Variants in ERBB4 observed in about 807,000 individuals in gnomAD.
ERBB4 encodes the protein receptor tyrosine-protein kinase erbB-4.
A neutral mutation model predicts 158.0 loss-of-function variants in ERBB4; 42 were observed. The ratio of observed to expected loss-of-function variants is 0.27; its 90% CI spans 0.21 to 0.34. The LOEUF (loss-of-function observed/expected upper bound fraction) is 0.34. Ranked by LOEUF, ERBB4 falls within the 10% of genes least tolerant of loss-of-function variation. The probability of loss-of-function intolerance (pLI) is 1.00; values close to 1 mark genes in which losing one functional copy is unlikely to be tolerated. For synonymous variants in ERBB4, 583 were observed against 558.7 expected (o/e 1.04, Z -0.61); for missense variants, 1,333 against 1,624.1 (o/e 0.82, Z 3.08).
chr2:212,357,474 T>C (rs911941823), intron 1 of ERBB4, among the ~76,000 whole-genome samples: 3 of 151,874 alleles, frequency 2.0e-5, no homozygotes, highest in Non-Finnish European at 4.4e-5. Context: ...TAAATTATGG[T>C]AAATAGGCAA....
chr2:211,480,629 A>G (rs887356492), intron 20 of ERBB4, among the ~76,000 whole-genome samples: 3 of 152,140 alleles, frequency 2.0e-5, no homozygotes, highest in Non-Finnish European at 2.9e-5. Flanking sequence ...GTAGTTCTTT[A>G]TAGTGGCATG....
At chr2:212,334,973 T>G (rs1366881934) in intron 1 of ERBB4, among the ~76,000 whole-genome samples, 3 of 151,978 alleles carry the variant, frequency 2.0e-5, no homozygotes. Context: ...GGTTTATATT[T>G]GGATAAATTC....
chr2:211,667,182 G>A (rs2071665398), intron 14 of ERBB4, among the ~76,000 whole-genome samples: 1 of 151,386 alleles, frequency 6.6e-6, no homozygotes, highest in East Asian at 1.9e-4. Context: ...TGTCCTGGGT[G>A]CATGTGGCCA....
chr2:211,994,403 G>T (rs1399712225), intron 2 of ERBB4, among the ~76,000 whole-genome samples: 2 of 152,098 alleles, frequency 1.3e-5, no homozygotes, highest in Non-Finnish European at 2.9e-5. Flanking sequence ...AAAGCATTAG[G>T]ATCACAGGCA....
intron 1 of ERBB4, among the ~76,000 whole-genome samples, chr2:212,155,238 A>T (rs6755132): frequency 1.3e-5 from 2 of 152,024 alleles, no homozygotes; most frequent in African/African-American, 4.8e-5. Context: ...ATTTACCCAC[A>T]CAAAATATTC....
At chr2:211,994,651 G>A (rs12694257) in intron 2 of ERBB4, among the ~76,000 whole-genome samples, 54,816 of 151,818 alleles carry the variant, frequency 0.36, 11,699 homozygotes, top group Non-Finnish European at 0.5. Context: ...CAATATTTCT[G>A]AACAACTATA....
At chr2:212,262,996 G>A (rs1397358883) in intron 1 of ERBB4, among the ~76,000 whole-genome samples, 1 of 152,158 alleles carries the variant, frequency 6.6e-6, no homozygotes, top group East Asian at 1.9e-4. Context: ...ATTTGCAGAT[G>A]TGATTAAGGT....
At chr2:212,152,646 T>C (rs1054722932) in intron 1 of ERBB4, among the ~76,000 whole-genome samples, 18 of 152,180 alleles carry the variant, frequency 1.2e-4, no homozygotes, top group Admixed American at 6.6e-5. Flanking sequence ...ATTTCTATCT[T>C]CAGCCCACAT....
intron 2 of ERBB4, among the ~76,000 whole-genome samples, chr2:212,116,977 T>G (rs1261602333): frequency 6.6e-6 from 1 of 152,144 alleles, no homozygotes; most frequent in Non-Finnish European, 1.5e-5. Context: ...TCAAATGTAA[T>G]ACAAGTTCCA....
At chr2:211,958,118 T>C (rs2081080971) in intron 2 of ERBB4, among the ~76,000 whole-genome samples, 1 of 152,088 alleles carries the variant, frequency 6.6e-6, no homozygotes, top group Admixed American at 6.6e-5. Context: ...CAAGACACAC[T>C]TCAATATCTG....
At chr2:211,723,344 C>A (rs1212918198) in intron 6 of ERBB4, among the ~76,000 whole-genome samples, 2 of 151,958 alleles carry the variant, frequency 1.3e-5, no homozygotes, top group Non-Finnish European at 2.9e-5. Flanking sequence ...ATGTGATTAA[C>A]AAAAATGTGG....
chr2:212,018,577 G>T (rs960233445), intron 2 of ERBB4, among the ~76,000 whole-genome samples: 1 of 152,128 alleles, frequency 6.6e-6, no homozygotes, highest in South Asian at 2.1e-4. Flanking sequence ...CCTTTGAAAA[G>T]CTATTGAAAG....
At chr2:211,682,183 C>G (rs1348719559) in intron 12 of ERBB4, among the ~76,000 whole-genome samples, 1 of 151,950 alleles carries the variant, frequency 6.6e-6, no homozygotes, top group East Asian at 1.9e-4. Flanking sequence ...CAGTCCCCAT[C>G]TGAGTCTAAA....
In ERBB4 at chr2:212,133,106, C is replaced by G. The variant is rs759865863; in HGVS notation, c.83-8203G>C. ...TCCTGTAACTTAAAATTTTTTGGTT[C>G]TGTTTCTCTGGGGAACCCTGAGAAA... is the stretch of plus-strand genomic sequence containing the variant. On this transcript the variant is annotated intron_variant, in intron 1 of 27. Coordinates refer to ENST00000342788, the MANE Select transcript of ERBB4 (RefSeq NM_005235.3). 2.0e-5 allele frequency among the ~76,000 whole-genome samples: 3 copies of G among 151,982 alleles called. No homozygotes were observed. In the East Asian group the frequency reaches 5.8e-4, roughly 29 times the overall value.
chr2:212,103,098 G>C (rs2079129825), intron 2 of ERBB4, among the ~76,000 whole-genome samples: 1 of 152,016 alleles, frequency 6.6e-6, no homozygotes, highest in Non-Finnish European at 1.5e-5. Context: ...GAGCTTACTG[G>C]ACTTCTTTCT....
At chr2:212,473,547 T>G (rs982665720) in intron 1 of ERBB4, among the ~76,000 whole-genome samples, 1 of 152,276 alleles carries the variant, frequency 6.6e-6, no homozygotes, top group South Asian at 2.1e-4. Context: ...TATATCATAC[T>G]ACATAACAAC....
chr2:211,916,928 G>C (rs1358031036), intron 3 of ERBB4, among the ~76,000 whole-genome samples: 1 of 152,042 alleles, frequency 6.6e-6, no homozygotes, highest in East Asian at 1.9e-4. Context: ...AGAGGAATCT[G>C]GTAGATCTAC....
intron 2 of ERBB4, among the ~76,000 whole-genome samples, chr2:212,056,886 C>G (rs1019501162): frequency 6.6e-6 from 1 of 152,116 alleles, no homozygotes; most frequent in African/African-American, 2.4e-5. Flanking sequence ...AGCAAAATAA[C>G]CAGCCAACAT....
chr2:212,455,694 A>AT (rs1319279945), intron 1 of ERBB4, among the ~76,000 whole-genome samples: 7 of 151,876 alleles, frequency 4.6e-5, no homozygotes, highest in South Asian at 2.1e-4. Context: ...GATGCAAACT[A>AT]TTTTTTTTAC....
Sources: allele counts gnomAD v4.1 joint callset (sites outside exome capture counted in the v4.1 genomes callset), GRCh38; gene constraint gnomAD v4.1.1; transcripts MANE v1.5; gene names NCBI Gene and HGNC (gene_info 2026-07-23, HGNC 2026-07-21).